AFF3: variants seen among roughly 807,000 people sequenced by gnomAD.
The protein encoded by AFF3 is AF4/FMR2 family member 3.
A neutral mutation model predicts 129.7 loss-of-function variants in AFF3; 32 were observed. That is an observed-to-expected ratio of 0.25 (90% confidence interval 0.19 to 0.33). The LOEUF (loss-of-function observed/expected upper bound fraction) is 0.33, where lower values mean the gene tolerates loss of function less well. Among genes scored for constraint, AFF3 ranks in the 10% least tolerant of loss-of-function variants. The probability of loss-of-function intolerance (pLI) is 1.00; values close to 1 mark genes in which losing one functional copy is unlikely to be tolerated. For missense variants in AFF3, 1,373 were observed against 1,592.0 expected, an observed-to-expected ratio of 0.86 and a Z score of 2.34; for synonymous variants, 644 against 635.4, an observed-to-expected ratio of 1.01 and a Z score of -0.20.
rs536341537 is a variant in AFF3, at chr2:99,708,190, G to A, written c.1091+18887C>T. On this transcript the variant is annotated intron_variant, in intron 11 of 24. Coordinates refer to ENST00000672756, the MANE Select transcript of AFF3 (RefSeq NM_001386135.1). ...ATCTGAAATTCAAATTTAACTGGGCGTCTTATATTTTATCTGGCAACACTA... is the reference window on the plus strand; with the variant it reads ...ATCTGAAATTCAAATTTAACTGGGCATCTTATATTTTATCTGGCAACACTA... 1.8e-4 allele frequency among the ~76,000 whole-genome samples: 28 copies of A among 152,088 alleles called. 1 individual carries two copies. Among genetic ancestry groups the A allele is most frequent in the East Asian group, 7.7e-4 (4 of 5,188 alleles).
In AFF3 at chr2:99,551,131, C is replaced by G; in HGVS notation, c.*343G>C. On this transcript the variant is annotated 3_prime_UTR_variant, in exon 25 of 25. Transcript: ENST00000672756. ...CTGGAATGGAATAGAAAGTGTGTGT[C>G]TGTGATTGTGTGTGAGTGTACGGTG... 2.3e-6 allele frequency: 1 copy of G among 440,382 alleles called. No individual in the cohort carries two copies. Among genetic ancestry groups the G allele is most frequent in the South Asian group, 7.7e-5 (1 of 12,976 alleles). The allele number at this position is 440,382 out of a possible 1,614,324, so 27.3% of individuals were successfully genotyped here.
At chr2:100,110,637 G>C (rs1227315957) in intron 2 of AFF3, among the ~76,000 whole-genome samples, 1 of 152,220 alleles carries the variant, frequency 6.6e-6, no homozygotes, top group Non-Finnish European at 1.5e-5. Flanking sequence ...GGTCCTTCAG[G>C]TACAGGCATC....
chr2:99,782,450 C>A (rs1445327738), intron 8 of AFF3, among the ~76,000 whole-genome samples: 1 of 152,196 alleles, frequency 6.6e-6, no homozygotes, highest in Non-Finnish European at 1.5e-5. Flanking sequence ...GGACACACTG[C>A]CTGAGCTGTG....
At chr2:99,842,453 C>T (rs186807092) in intron 7 of AFF3, among the ~76,000 whole-genome samples, 265 of 152,170 alleles carry the variant, frequency 1.7e-3, no homozygotes, top group Non-Finnish European at 3.5e-3. Context: ...TATTTTTTGA[C>T]GGTTTGTAGC....
intron 9 of AFF3, among the ~76,000 whole-genome samples, chr2:99,750,167 T>C (rs1681510556): frequency 6.6e-6 from 1 of 152,210 alleles, no homozygotes; most frequent in Admixed American, 6.5e-5. Context: ...AGTTGTATCA[T>C]ATATAATAGA....
intron 13 of AFF3, among the ~76,000 whole-genome samples, chr2:99,618,857 G>GTA (rs1295477002): frequency 2.6e-5 from 4 of 152,144 alleles, no homozygotes; most frequent in African/African-American, 9.6e-5. Context: ...CCATAAACCT[G>GTA]GCTGCTTCAG....
At chr2:99,551,686 C>G in intron 24 of AFF3, 91 bp from the exon 25 acceptor site, 1 of 1,506,650 alleles carries the variant, frequency 6.6e-7, no homozygotes, top group Non-Finnish European at 9.1e-7. Flanking sequence ...CATTCATGGT[C>G]TCTATATAAA....
intron 13 of AFF3, 21 bp from the exon 14 acceptor site, chr2:99,601,642 C>T: frequency 2.5e-6 from 4 of 1,582,582 alleles, no homozygotes; most frequent in Non-Finnish European, 3.4e-6. Flanking sequence ...GCGAGGCCCC[C>T]GGGAAGCAGA....
chr2:99,892,912 C>T (rs948329015), intron 7 of AFF3, among the ~76,000 whole-genome samples: 1 of 152,150 alleles, frequency 6.6e-6, no homozygotes, highest in Non-Finnish European at 1.5e-5. Flanking sequence ...GTGGTGGGGC[C>T]CAGCATTCAA....
At chr2:100,103,098 G>A (rs1354727816) in intron 4 of AFF3, among the ~76,000 whole-genome samples, 6 of 152,138 alleles carry the variant, frequency 3.9e-5, no homozygotes, top group Non-Finnish European at 7.3e-5. Context: ...ATAAGAAACC[G>A]TTTGATAATG....
intron 13 of AFF3, 69 bp from the exon 14 acceptor site, chr2:99,601,690 C>T: frequency 6.5e-7 from 1 of 1,535,604 alleles, no homozygotes; most frequent in South Asian, 1.2e-5. Flanking sequence ...GAAAACACCA[C>T]CAAGCTGTCA....
chr2:99,688,654 T>A (rs1675309156), intron 11 of AFF3, among the ~76,000 whole-genome samples: 1 of 152,024 alleles, frequency 6.6e-6, no homozygotes, highest in Admixed American at 6.5e-5. Flanking sequence ...CTGGCCACCC[T>A]TCAGAGCTGC....
chr2:99,850,733 C>A (rs1005441948), intron 7 of AFF3, among the ~76,000 whole-genome samples: 2 of 152,096 alleles, frequency 1.3e-5, no homozygotes, highest in Non-Finnish European at 2.9e-5. Context: ...TCTGTATTTT[C>A]TGGGTTAGTG....
At chr2:99,986,916 A>G (rs1679921058) in intron 7 of AFF3, among the ~76,000 whole-genome samples, 1 of 152,180 alleles carries the variant, frequency 6.6e-6, no homozygotes, top group African/African-American at 2.4e-5. Context: ...TTAGGAAACA[A>G]GTGGTGGTTG....
chr2:100,019,186 G>A (rs955149002), intron 4 of AFF3, among the ~76,000 whole-genome samples: 3 of 151,974 alleles, frequency 2.0e-5, no homozygotes, highest in African/African-American at 7.3e-5. Flanking sequence ...GACCCTCAAC[G>A]TTAGCCGTAA....
At chr2:99,946,846 A>G (rs1675622357) in intron 7 of AFF3, among the ~76,000 whole-genome samples, 1 of 152,188 alleles carries the variant, frequency 6.6e-6, no homozygotes, top group South Asian at 2.1e-4. Context: ...TTATATACAA[A>G]TAACTAACAA....
intron 7 of AFF3, among the ~76,000 whole-genome samples, chr2:99,943,466 G>A (rs1372794975): frequency 6.6e-6 from 1 of 152,188 alleles, no homozygotes; most frequent in African/African-American, 2.4e-5. Flanking sequence ...CTTCAGGGGT[G>A]ATACATCTGA....
At chr2:100,070,028 A>C (rs1261354487) in intron 4 of AFF3, among the ~76,000 whole-genome samples, 1 of 152,170 alleles carries the variant, frequency 6.6e-6, no homozygotes, top group African/African-American at 2.4e-5. Context: ...TATCTCTACA[A>C]ATGGCTTCAG....
intron 13 of AFF3, among the ~76,000 whole-genome samples, chr2:99,622,764 C>T (rs2105318344): frequency 6.6e-6 from 1 of 152,372 alleles, no homozygotes; most frequent in South Asian, 2.1e-4. Flanking sequence ...CAAGGCAGGC[C>T]TGCCGGGCTG....
Sources: gnomAD v4.1 joint callset for allele counts (sites outside exome capture counted in the v4.1 genomes callset) on GRCh38, gnomAD v4.1.1 for gene constraint, MANE v1.5 for transcripts, NCBI Gene and HGNC (gene_info 2026-07-23, HGNC 2026-07-21) for gene names.